The following APOO variants were observed in gnomAD, a reference collection of about 807,000 sequenced individuals.
The protein encoded by APOO is apolipoprotein O, also known as MICOS complex subunit MIC26.
A neutral mutation model predicts 23.1 loss-of-function variants in APOO; 11 were observed. The observed-to-expected ratio is 0.48, with a 90% CI of 0.30 to 0.79. The LOEUF is 0.79. Among genes scored for constraint, APOO ranks in the 30% least tolerant of loss-of-function variants. The pLI is 0.07. For missense variants in APOO, 160 were observed against 142.7 expected, an observed-to-expected ratio of 1.12 and a Z score of -0.62; for synonymous variants, 59 against 54.8, an observed-to-expected ratio of 1.08 and a Z score of -0.34.
chrX:23,878,185 C>T (rs370006197), intron 3 of APOO, among the ~76,000 whole-genome samples: 20 of 111,933 alleles, frequency 1.8e-4, no homozygotes, highest in African/African-American at 4.9e-4. Context: ...AGAAAAACTT[C>T]GCAATTTTTA....
rs1923511996 is a variant in APOO at position 23,833,587 on chromosome X, A to C, written c.*55T>G. The C allele has an allele frequency of 8.9e-6, 1 of 112,506 alleles. No individual in the cohort carries two copies. The highest frequency in any genetic ancestry group is 9.6e-5 in the Admixed American group (1 of 10,384). 9.3% of individuals were successfully genotyped at this position (112,506 alleles called of 1,213,427 possible). A position where few individuals can be genotyped will look rare whatever the true frequency, so the allele number is the denominator to read the frequency against. ...TTCTGTAGAAATACTGATTTATTCTATGGAGTTTCCAATGTTTACCTATAA... is the reference window on the plus strand; with the variant it reads ...TTCTGTAGAAATACTGATTTATTCTCTGGAGTTTCCAATGTTTACCTATAA... On this transcript the variant is annotated 3_prime_UTR_variant, in exon 9 of 9. Coordinates refer to ENST00000379226, the MANE Select transcript of APOO (RefSeq NM_024122.5).
intron 7 of APOO, among the ~76,000 whole-genome samples, chrX:23,854,121 C>A (rs1924672393): frequency 8.9e-6 from 1 of 112,601 alleles, no homozygotes; most frequent in Non-Finnish European, 1.9e-5. Flanking sequence ...AAAAGATCTG[C>A]ATATAAATTT....
At chrX:23,836,463 C>T (rs1923675136) in intron 8 of APOO, among the ~76,000 whole-genome samples, 1 of 111,191 alleles carries the variant, frequency 9.0e-6, no homozygotes, top group African/African-American at 3.3e-5. Context: ...TACAGGCGCA[C>T]GCCACCATGT....
intron 7 of APOO, among the ~76,000 whole-genome samples, chrX:23,846,667 A>G (rs994160849): frequency 9.2e-6 from 1 of 108,133 alleles, no homozygotes; most frequent in African/African-American, 3.4e-5. Context: ...TAAAAGAGCC[A>G]TCTGTGACCC....
intron 1 of APOO, among the ~76,000 whole-genome samples, chrX:23,888,849 C>CAAAAAAAA (rs11338273): frequency 2.4e-5 from 1 of 41,286 alleles, no homozygotes; most frequent in Non-Finnish European, 4.1e-5. Flanking sequence ...GATTTCATCT[C>CAAAAAAAA]AAAAAAAAAA....
At chrX:23,871,225 T>C (rs1601914388) in intron 4 of APOO, among the ~76,000 whole-genome samples, 1 of 103,938 alleles carries the variant, frequency 9.6e-6, no homozygotes, top group Non-Finnish European at 2.0e-5. Context: ...TAGCCAGGTG[T>C]GGTGGCAGGC....
intron 3 of APOO, among the ~76,000 whole-genome samples, chrX:23,876,936 A>G (rs1486871856): frequency 8.9e-6 from 1 of 112,961 alleles, no homozygotes; most frequent in Non-Finnish European, 1.9e-5. Context: ...CCAGGAAAAC[A>G]AAACCATTAT....
intron 4 of APOO, among the ~76,000 whole-genome samples, chrX:23,873,422 C>A (rs190582846): frequency 2.1e-4 from 23 of 110,985 alleles, no homozygotes; most frequent in Non-Finnish European, 4.0e-4. Context: ...GCCCGGCTAA[C>A]AAGGTGAAAC....
chrX:23,893,145 C>T (rs143884306), intron 1 of APOO, among the ~76,000 whole-genome samples: 1,393 of 108,418 alleles, frequency 0.013, 18 homozygotes, highest in African/African-American at 0.041. Context: ...AGGCCGGGCG[C>T]GGTGGCTCAC....
At chrX:23,896,262 C>T (rs1212421947) in intron 1 of APOO, among the ~76,000 whole-genome samples, 1 of 101,653 alleles carries the variant, frequency 9.8e-6, no homozygotes, top group African/African-American at 3.4e-5. Flanking sequence ...AGTAAGACTC[C>T]GTCTCAAAAA....
At chrX:23,890,999 T>C (rs1379775464) in intron 1 of APOO, among the ~76,000 whole-genome samples, 1 of 111,365 alleles carries the variant, frequency 9.0e-6, no homozygotes, top group African/African-American at 3.3e-5. Flanking sequence ...ACTGGACATC[T>C]GGCATCTTGG....
At chrX:23,850,053 C>G (rs1436777455) in intron 7 of APOO, among the ~76,000 whole-genome samples, 1 of 111,731 alleles carries the variant, frequency 9.0e-6, no homozygotes. Context: ...AAATGAATGT[C>G]CACGTTCTTT....
At chrX:23,839,912 T>C (rs1678490621) in intron 8 of APOO, 1 of 112,400 alleles carries the variant, frequency 8.9e-6, no homozygotes, top group South Asian at 3.6e-4. Flanking sequence ...CAATTTTTCA[T>C]ATATACACAA....
At chrX:23,873,241 T>C (rs974130712) in intron 4 of APOO, among the ~76,000 whole-genome samples, 5 of 111,123 alleles carry the variant, frequency 4.5e-5, no homozygotes, top group African/African-American at 1.6e-4. Flanking sequence ...GTACCTGACA[T>C]ATAAGTCTTA....
At chrX:23,863,994 G>C (rs1925222335) in intron 5 of APOO, among the ~76,000 whole-genome samples, 1 of 106,156 alleles carries the variant, frequency 9.4e-6, no homozygotes, top group Non-Finnish European at 2.0e-5. Context: ...GTGTGTTATT[G>C]ATTTTTTTTT....
intron 3 of APOO, among the ~76,000 whole-genome samples, chrX:23,878,530 G>A (rs1925959696): frequency 8.9e-6 from 1 of 112,320 alleles, no homozygotes; most frequent in African/African-American, 3.2e-5. Flanking sequence ...CACATGAGAT[G>A]TGTTGACACA....
At position 23,874,453 on chromosome X, in the gene APOO, G is replaced by C; in HGVS notation, c.242C>G (p.Thr81Arg). The change falls in exon 4 of 9, where the codon ACG becomes AGG. Residue 81 changes from threonine (T) to arginine (R), a missense_variant. Physicochemically the swap from Thr to Arg is moderately conservative, Grantham distance 71. Coordinates refer to ENST00000379226, the MANE Select transcript of APOO (RefSeq NM_024122.5). ...CEPYTTWCQETYSQTKPKMQS... is the reference protein window; with the variant it reads ...CEPYTTWCQERYSQTKPKMQS... The stretch of plus-strand genomic sequence containing the variant: ...CATCTTGGGCTTAGTTTGGGAGTAC[G>C]TTTCCTAAAAAGGTAAAAAGAAACT... 8.3e-7 allele frequency: 1 copy of C among 1,207,240 alleles called. No homozygotes were observed. Among genetic ancestry groups the C allele is most frequent in the Non-Finnish European group, 1.1e-6 (1 of 891,718 alleles).
chrX:23,879,643 G>T (rs758619197), intron 2 of APOO, among the ~76,000 whole-genome samples: 1 of 111,854 alleles, frequency 8.9e-6, no homozygotes, highest in South Asian at 3.7e-4. Flanking sequence ...ACTGGTATTT[G>T]GTATTCCACC....
chrX:23,865,185 G>A (rs1925281264), intron 5 of APOO, among the ~76,000 whole-genome samples: 1 of 111,342 alleles, frequency 9.0e-6, no homozygotes, highest in Non-Finnish European at 1.9e-5. Flanking sequence ...TCATCTTGGA[G>A]TGGTCTGGCT....
Sources: allele counts gnomAD v4.1 joint callset (sites outside exome capture counted in the v4.1 genomes callset), GRCh38; gene constraint gnomAD v4.1.1; transcripts MANE v1.5; gene names NCBI Gene and HGNC (gene_info 2026-07-23, HGNC 2026-07-21).